The following TMEM63C variants were observed in gnomAD, a reference collection of about 807,000 sequenced individuals.
TMEM63C encodes osmosensitive cation channel TMEM63C.
In TMEM63C, 32 loss-of-function variants were observed where a neutral mutation model predicts 99.2. The ratio of observed to expected loss-of-function variants is 0.32; its 90% confidence interval spans 0.24 to 0.43. TMEM63C has a LOEUF of 0.43. Among genes scored for constraint, TMEM63C ranks in the 20% least tolerant of loss-of-function variants. TMEM63C has a pLI of 1.00. For missense variants in TMEM63C, 826 were observed against 1,053.0 expected, an observed-to-expected ratio of 0.78 and a Z score of 2.98; for synonymous variants, 376 against 397.9, an observed-to-expected ratio of 0.94 and a Z score of 0.66.
rs78380538 is a variant in TMEM63C at position 77,205,828 on chromosome 14, G to A, written c.-76-7618G>A. Reference sequence around the variant, plus strand: ...AGAGCTCAGATGTCAAAAGGAGCAGGGAGCTGTGCAGAAGCTCGGGCCTTG... The same window carrying A: ...AGAGCTCAGATGTCAAAAGGAGCAGAGAGCTGTGCAGAAGCTCGGGCCTTG... On this transcript the variant is annotated intron_variant, in intron 1 of 23. Transcript: ENST00000298351. 3.9e-3 allele frequency among the ~76,000 whole-genome samples: 588 copies of A among 152,302 alleles called. 1 individual carries two copies. The highest frequency in any genetic ancestry group is 5.9e-3 in the Non-Finnish European group (402 of 68,030).
At chr14:77,248,043 G>A (rs978187367) in intron 18 of TMEM63C, among the ~76,000 whole-genome samples, 1 of 152,116 alleles carries the variant, frequency 6.6e-6, no homozygotes, top group African/African-American at 2.4e-5. Flanking sequence ...CTTTGGACCT[G>A]GCTCAGACAC....
chr14:77,214,291 G>A (rs1390830937), intron 2 of TMEM63C, among the ~76,000 whole-genome samples: 2 of 152,150 alleles, frequency 1.3e-5, no homozygotes, highest in Non-Finnish European at 2.9e-5. Flanking sequence ...GTAAAGTGAG[G>A]CATGGGGACT....
chr14:77,201,977 G>A (rs965013385), intron 1 of TMEM63C, among the ~76,000 whole-genome samples: 4 of 152,132 alleles, frequency 2.6e-5, no homozygotes, highest in Admixed American at 6.5e-5. Context: ...CAGACAGGAC[G>A]CTGCTCCCAC....
intron 13 of TMEM63C, among the ~76,000 whole-genome samples, chr14:77,242,107 C>G (rs1346882582): frequency 6.6e-6 from 1 of 152,252 alleles, no homozygotes; most frequent in Admixed American, 6.5e-5. Context: ...CGTGGCACCT[C>G]TGCCCTGCCT....
intron 6 of TMEM63C, among the ~76,000 whole-genome samples, chr14:77,227,598 G>A (rs1014707741): frequency 6.6e-6 from 1 of 152,228 alleles, no homozygotes; most frequent in African/African-American, 2.4e-5. Context: ...GTCATCCAAG[G>A]ATGTAAGACC....
intron 1 of TMEM63C, among the ~76,000 whole-genome samples, chr14:77,188,604 C>T (rs914722097): frequency 9.2e-5 from 14 of 152,158 alleles, no homozygotes; most frequent in Non-Finnish European, 2.1e-4. Context: ...CTCTGTGGCT[C>T]ACGCCTGTAA....
chr14:77,214,225 T>C (rs1276390666), intron 2 of TMEM63C, among the ~76,000 whole-genome samples: 2 of 152,148 alleles, frequency 1.3e-5, no homozygotes, highest in South Asian at 2.1e-4. Context: ...ACACTCCTCT[T>C]AAGAGCCCTG....
intron 5 of TMEM63C, 63 bp from the exon 6 acceptor site, chr14:77,225,361 C>T (rs779683810): frequency 1.3e-5 from 20 of 1,555,730 alleles, no homozygotes; most frequent in Non-Finnish European, 1.7e-5. Flanking sequence ...GCCTGGGTTC[C>T]CAGAGCTGGG....
intron 14 of TMEM63C, 108 bp downstream of exon 14, chr14:77,242,577 G>A: frequency 7.0e-7 from 1 of 1,424,248 alleles, no homozygotes; most frequent in Non-Finnish European, 9.6e-7. Context: ...AGACTCCAAG[G>A]GGACTAAGTT....
At chr14:77,203,312 G>T (rs1474729351) in intron 1 of TMEM63C, among the ~76,000 whole-genome samples, 1 of 151,590 alleles carries the variant, frequency 6.6e-6, no homozygotes, top group African/African-American at 2.4e-5. Context: ...AACCCGGGGG[G>T]TGGAGATTGC....
intron 2 of TMEM63C, among the ~76,000 whole-genome samples, chr14:77,215,638 A>T (rs1888571093): frequency 6.6e-6 from 1 of 151,466 alleles, no homozygotes; most frequent in Non-Finnish European, 1.5e-5. Context: ...AGAAAAAGAA[A>T]CTAGAAGCAG....
chr14:77,210,500 G>A (rs945924215), intron 1 of TMEM63C, among the ~76,000 whole-genome samples: 16 of 152,192 alleles, frequency 1.1e-4, no homozygotes, highest in Admixed American at 9.8e-4. Context: ...AAGATTTATG[G>A]CCAGCAGACA....
intron 1 of TMEM63C, among the ~76,000 whole-genome samples, chr14:77,195,088 A>T (rs900884323): frequency 6.6e-6 from 1 of 152,078 alleles, no homozygotes; most frequent in African/African-American, 2.4e-5. Flanking sequence ...ACCCCATCTC[A>T]AAAAAACAAA....
rs546725338 is a variant in TMEM63C, at chr14:77,205,951, G to A, written c.-76-7495G>A. 1.4e-4 allele frequency among the ~76,000 whole-genome samples: 21 copies of A among 152,290 alleles called. No homozygotes were observed. In the East Asian group the frequency reaches 3.3e-3, roughly 24 times the overall value. Reference sequence around the variant, plus strand: ...CCTCAGCATCCTCATTTGTAAATGGGGACAGTTGCCACCTCTTCTCTGGCA... The same window carrying A: ...CCTCAGCATCCTCATTTGTAAATGGAGACAGTTGCCACCTCTTCTCTGGCA... On this transcript the variant is annotated intron_variant, in intron 1 of 23. Transcript: ENST00000298351.
At chr14:77,227,667 G>C (rs921506861) in intron 6 of TMEM63C, among the ~76,000 whole-genome samples, 1 of 152,244 alleles carries the variant, frequency 6.6e-6, no homozygotes, top group African/African-American at 2.4e-5. Context: ...CTCTGGGCTG[G>C]ACTCAGTGAA....
intron 8 of TMEM63C, among the ~76,000 whole-genome samples, chr14:77,234,797 C>G (rs1889007199): frequency 6.6e-6 from 1 of 152,214 alleles, no homozygotes. Flanking sequence ...CACGACTCTC[C>G]TACCCCAGGG....
intron 1 of TMEM63C, among the ~76,000 whole-genome samples, chr14:77,184,260 C>T (rs1887960284): frequency 6.6e-6 from 1 of 152,044 alleles, no homozygotes; most frequent in African/African-American, 2.4e-5. Context: ...CAGGTCAGCC[C>T]TCCCCAGCCC....
chr14:77,208,418 G>C (rs1444823437), intron 1 of TMEM63C, among the ~76,000 whole-genome samples: 1 of 152,170 alleles, frequency 6.6e-6, no homozygotes, highest in Non-Finnish European at 1.5e-5. Context: ...ACTGGGCATT[G>C]AACTTCCTGC....
chr14:77,231,923 C>G (rs1249629428), intron 7 of TMEM63C, among the ~76,000 whole-genome samples, 193 bp downstream of exon 7: 1 of 152,224 alleles, frequency 6.6e-6, no homozygotes, highest in Non-Finnish European at 1.5e-5. Context: ...TCCTTTGTCA[C>G]AGGTTTGGCC....
Sources: allele counts gnomAD v4.1 joint callset (sites outside exome capture counted in the v4.1 genomes callset), GRCh38; gene constraint gnomAD v4.1.1; transcripts MANE v1.5; gene names NCBI Gene and HGNC (gene_info 2026-07-23, HGNC 2026-07-21).